STK38: variants seen among roughly 807,000 people sequenced by gnomAD.
STK38 encodes serine/threonine kinase 38.
A neutral mutation model predicts 59.0 loss-of-function variants in STK38; 26 were observed. That is an observed-to-expected ratio of 0.44 (90% CI 0.32 to 0.61). The LOEUF is 0.61. Ranked by LOEUF, STK38 falls within the 20% of genes least tolerant of loss-of-function variation. The pLI is 0.04. For missense variants in STK38, 433 were observed against 566.0 expected (o/e 0.76, Z 2.38); for synonymous variants, 175 against 176.6 (o/e 0.99, Z 0.07).
intron 2 of STK38, among the ~76,000 whole-genome samples, chr6:36,528,874 A>G (rs1561988101): frequency 6.6e-6 from 1 of 152,228 alleles, no homozygotes; most frequent in Non-Finnish European, 1.5e-5. Flanking sequence ...CCTTCTAATT[A>G]TATTTTAAAC....
intron 4 of STK38, among the ~76,000 whole-genome samples, chr6:36,523,201 G>A (rs977708975): frequency 6.6e-6 from 1 of 151,830 alleles, no homozygotes; most frequent in African/African-American, 2.4e-5. Context: ...TGAACACTGA[G>A]GGATCAATCT....
intron 7 of STK38, among the ~76,000 whole-genome samples, chr6:36,508,327 C>CATTTTCA (rs1381451899): frequency 3.3e-5 from 5 of 152,192 alleles, no homozygotes; most frequent in Non-Finnish European, 5.9e-5. Context: ...ATGTGCATTC[C>CATTTTCA]ATTTTCAATT....
intron 7 of STK38, among the ~76,000 whole-genome samples, chr6:36,512,230 A>G (rs543300635): frequency 5.8e-4 from 88 of 152,364 alleles, no homozygotes; most frequent in African/African-American, 2.1e-3. Context: ...TATGTGGCTG[A>G]ACACAAATCA....
chr6:36,537,764 T>G (rs890598978), intron 2 of STK38, among the ~76,000 whole-genome samples: 16 of 151,968 alleles, frequency 1.1e-4, no homozygotes, highest in Non-Finnish European at 2.1e-4. Flanking sequence ...CCAAGCATGG[T>G]GGCATGCACC....
intron 2 of STK38, among the ~76,000 whole-genome samples, chr6:36,535,979 A>C (rs1777781354): frequency 6.6e-6 from 1 of 152,160 alleles, no homozygotes; most frequent in Admixed American, 6.6e-5. Flanking sequence ...CAGAATACTC[A>C]AAGCAATCTT....
chr6:36,546,010 T>C (rs1048453922), intron 1 of STK38, among the ~76,000 whole-genome samples: 1 of 152,216 alleles, frequency 6.6e-6, no homozygotes, highest in Non-Finnish European at 1.5e-5. Flanking sequence ...TTTATTTCTT[T>C]GCGACTGACA....
At chr6:36,513,723 A>G (rs1777171497) in intron 7 of STK38, among the ~76,000 whole-genome samples, 1 of 151,848 alleles carries the variant, frequency 6.6e-6, no homozygotes, top group Non-Finnish European at 1.5e-5. Context: ...AATGAAGAAA[A>G]AAGCAGGTGG....
rs527979456 is a variant in STK38 at position 36,526,143 on chromosome 6, T to G, written c.132-501A>C. ...ACCATGCCCCGCCCTTAGGTCTACA[T>G]TTTTTAAAAGACTGTCTAAGATGTT... On this transcript the variant is annotated intron_variant, in intron 2 of 13. Coordinates refer to ENST00000229812, the MANE Select transcript of STK38 (RefSeq NM_007271.4). Among the ~76,000 whole-genome samples, 4 of 152,242 alleles carry G rather than the reference T, an allele frequency of 2.6e-5. No homozygotes were observed. In the South Asian group the frequency reaches 8.3e-4, roughly 32 times the overall value.
At chr6:36,543,813 T>C (rs1778000061) in intron 1 of STK38, among the ~76,000 whole-genome samples, 1 of 152,140 alleles carries the variant, frequency 6.6e-6, no homozygotes, top group South Asian at 2.1e-4. Context: ...AGCTAGTTTT[T>C]AGTAGAGACG....
chr6:36,538,583 T>A (rs1339533042), intron 2 of STK38, among the ~76,000 whole-genome samples: 17 of 152,124 alleles, frequency 1.1e-4, no homozygotes, highest in Admixed American at 1.1e-3. Flanking sequence ...TATACTGATG[T>A]CTACAACATA....
At chr6:36,509,962 A>G (rs914616669) in intron 7 of STK38, among the ~76,000 whole-genome samples, 1 of 152,188 alleles carries the variant, frequency 6.6e-6, no homozygotes, top group Non-Finnish European at 1.5e-5. Context: ...GAGAGAAAGT[A>G]CGTGCTGATT....
intron 9 of STK38, among the ~76,000 whole-genome samples, chr6:36,500,675 G>A (rs1004373480): frequency 1.3e-5 from 2 of 149,022 alleles, no homozygotes; most frequent in African/African-American, 5.0e-5. Context: ...CAGGAGAATC[G>A]CTTGAACCCG....
intron 2 of STK38, among the ~76,000 whole-genome samples, chr6:36,532,227 C>T (rs1200160032): frequency 6.7e-6 from 1 of 149,352 alleles, no homozygotes; most frequent in Non-Finnish European, 1.5e-5. Flanking sequence ...GGCTTGAGCC[C>T]AGGAGTTTGA....
intron 2 of STK38, among the ~76,000 whole-genome samples, chr6:36,527,229 T>TA (rs1156752985): frequency 1.5e-4 from 22 of 142,588 alleles, no homozygotes; most frequent in African/African-American, 5.5e-4. Context: ...TATATATATA[T>TA]TTATATGTAT....
intron 2 of STK38, among the ~76,000 whole-genome samples, chr6:36,539,385 C>CAA (rs11296767): frequency 4.5e-4 from 49 of 109,092 alleles, no homozygotes; most frequent in Non-Finnish European, 7.8e-4. Context: ...GATTCGATCT[C>CAA]AAAAAAAAAA....
intron 2 of STK38, among the ~76,000 whole-genome samples, chr6:36,531,766 T>A (rs1777671346): frequency 6.6e-6 from 1 of 152,252 alleles, no homozygotes; most frequent in Non-Finnish European, 1.5e-5. Flanking sequence ...TCTATGAAAC[T>A]GCTCAAAATT....
Position 36,495,738 on chromosome 6 carries a change from GTTATACAAA to G in STK38, c.*37_*45del, listed in dbSNP as rs1190531743. 1 of 1,611,128 alleles carries G rather than the reference GTTATACAAA, an allele frequency of 6.2e-7. No individual in the cohort carries two copies. The highest frequency in any genetic ancestry group is 8.5e-7 in the Non-Finnish European group (1 of 1,178,186). ...AAGAGTGTGAGAGGAAAAGCATGAT[GTTATACAAA>G]GAACTCTGCTCCACATAGGATTCCG... On this transcript the variant is annotated 3_prime_UTR_variant, in exon 14 of 14. Transcript: ENST00000229812.
intron 2 of STK38, among the ~76,000 whole-genome samples, chr6:36,536,434 A>C (rs1777792577): frequency 6.6e-6 from 1 of 152,196 alleles, no homozygotes; most frequent in African/African-American, 2.4e-5. Context: ...TGGGAGGCTG[A>C]GGTGGGAGGA....
At chr6:36,527,556 G>GA (rs72170586) in intron 2 of STK38, among the ~76,000 whole-genome samples, 30,847 of 145,432 alleles carry the variant, frequency 0.21, 3,261 homozygotes, top group East Asian at 0.37. Flanking sequence ...CTGCCTCAAA[G>GA]AAAAAAAAAA....
Sources: gnomAD v4.1 joint callset for allele counts (sites outside exome capture counted in the v4.1 genomes callset) on GRCh38, gnomAD v4.1.1 for gene constraint, MANE v1.5 for transcripts, NCBI Gene and HGNC (gene_info 2026-07-23, HGNC 2026-07-21) for gene names.